C19orf47: variants seen among roughly 807,000 people sequenced by gnomAD.
C19orf47 encodes the protein uncharacterized protein C19orf47.
C19orf47 carries 18 observed loss-of-function variants against 32.3 expected under a neutral mutation model. That is an observed-to-expected ratio of 0.56 (90% CI 0.39 to 0.83). The LOEUF is 0.83. C19orf47 is among the 40% of genes least tolerant of loss of function. The probability of loss-of-function intolerance (pLI) is 0.00; values close to 1 mark genes in which losing one functional copy is unlikely to be tolerated. For missense variants in C19orf47, 484 were observed against 531.6 expected (o/e 0.91, Z 0.88); for synonymous variants, 202 against 211.1 (o/e 0.96, Z 0.37).
At chr19:40,310,437 C>T in the C19orf47 span, among the ~76,000 whole-genome samples, 1 of 152,200 alleles carries the variant, frequency 6.6e-6, no homozygotes, top group Non-Finnish European at 1.5e-5. Flanking sequence ...TGCCACCACA[C>T]CCCGCTAATT....
In C19orf47 at chr19:40,333,855, G is replaced by A. The variant is rs200421581; in HGVS notation, c.297C>T (p.Thr99=). The change falls in exon 5 of 9, where the codon ACC becomes ACT. Residue 99 remains threonine (T), a synonymous_variant. Transcript: ENST00000683109. ...GCCTGAATAGTTAGGACTCACCACT[G>A]GTGCCACGGCGAATTTCGCCTGCAA... ...SPLAGEIRRG[T]SAASRMITNS... 2.7e-5 allele frequency: 42 copies of A among 1,571,050 alleles called. No individual in the cohort carries two copies. In the African/African-American group the frequency reaches 5.3e-4, roughly 20 times the overall value.
chr19:40,338,208 A>C (rs1600207468), intron 2 of C19orf47, among the ~76,000 whole-genome samples: 1 of 150,256 alleles, frequency 6.7e-6, no homozygotes, highest in East Asian at 2.0e-4. Context: ...TCAAGTAGTT[A>C]AACTACAGGC....
chr19:40,317,728 GT>G (rs760108426), downstream of C19orf47, among the ~76,000 whole-genome samples: 9 of 143,056 alleles, frequency 6.3e-5, no homozygotes, highest in Admixed American at 1.4e-4. Flanking sequence ...TTTTTTTTTT[GT>G]TTTTTTTTTT....
chr19:40,348,452 T>A, upstream of C19orf47: 1 of 1,500,142 alleles, frequency 6.7e-7, no homozygotes, highest in Non-Finnish European at 8.8e-7. Context: ...GAAGCTGAAC[T>A]GACTCGTCCG....
At chr19:40,324,953 C>T (rs2077797630) in intron 7 of C19orf47, among the ~76,000 whole-genome samples, 1 of 150,182 alleles carries the variant, frequency 6.7e-6, no homozygotes, top group African/African-American at 2.5e-5. Flanking sequence ...GAGCAAGACT[C>T]TGTCTCAAAA....
At chr19:40,344,100 A>G (rs543196732) in intron 1 of C19orf47, among the ~76,000 whole-genome samples, 79 of 151,810 alleles carry the variant, frequency 5.2e-4, no homozygotes, top group Non-Finnish European at 8.4e-4. Context: ...TCAATCTCTT[A>G]TTGATGAGTA....
the C19orf47 span, among the ~76,000 whole-genome samples, chr19:40,298,039 C>CAA: frequency 1.1e-5 from 1 of 94,560 alleles, no homozygotes; most frequent in Admixed American, 1.1e-4. Context: ...CACTCTGTCT[C>CAA]AAAAAAAAAA....
chr19:40,325,689 C>T (rs1181979464), intron 7 of C19orf47, among the ~76,000 whole-genome samples: 1 of 152,162 alleles, frequency 6.6e-6, no homozygotes, highest in Non-Finnish European at 1.5e-5. Flanking sequence ...ATGTATGTAC[C>T]TAGATGCTGG....
rs906280450 is a variant in C19orf47 at position 40,336,487 on chromosome 19, C to T, written c.20-80G>A. The stretch of plus-strand genomic sequence containing the variant: ...TAGCAAAACCACAATCACAGCAGCT[C>T]CCACAAATTAAATGCTCATCATATG... On this transcript the variant is annotated intron_variant, in intron 2 of 8. Transcript: ENST00000683109. The T allele has an allele frequency of 1.0e-5, 13 of 1,281,218 alleles. No homozygotes were observed. In the African/African-American group the frequency reaches 1.8e-4, roughly 17 times the overall value. 79.4% of individuals were successfully genotyped at this position (1,281,218 alleles called of 1,614,324 possible).
At chr19:40,344,838 G>A (rs552676310) in intron 1 of C19orf47, among the ~76,000 whole-genome samples, 6 of 152,110 alleles carry the variant, frequency 3.9e-5, no homozygotes, top group South Asian at 2.1e-4. Flanking sequence ...CATCTCAGTC[G>A]CTCCTCACAA....
chr19:40,341,876 A>G lies in C19orf47; in HGVS notation c.-19T>C, dbSNP rs1277456138. 11 of 1,536,102 alleles carry G rather than the reference A, an allele frequency of 7.2e-6. No homozygotes were observed. The highest frequency in any genetic ancestry group is 9.6e-6 in the Non-Finnish European group (11 of 1,146,924). On this transcript the variant is annotated 5_prime_UTR_variant, in exon 2 of 9. Transcript: ENST00000683109. ...AGACCATCGTCTCCCTGGCCCTGAC[A>G]CTGCTCCCTGGAGCCTGAAAGAGAA...
Position 40,321,407 on chromosome 19 carries a change from G to A in C19orf47, c.*475C>T, listed in dbSNP as rs573691459. 1.1e-5 allele frequency: 11 copies of A among 994,174 alleles called. No homozygotes were observed. The highest frequency in any genetic ancestry group is 5.1e-4 in the Middle Eastern group (1 of 1,944). The allele number at this position is 994,174 out of a possible 1,614,324, so 61.6% of individuals were successfully genotyped here. A position where few individuals can be genotyped will look rare whatever the true frequency, so the allele number is the denominator to read the frequency against. On this transcript the variant is annotated 3_prime_UTR_variant, in exon 9 of 9. Coordinates refer to ENST00000683109, the MANE Select transcript of C19orf47 (RefSeq NM_001256441.2). ...TGAACAAAGTGAAGACAGGGAGAGA[G>A]AGAAGTCACAGCAGTGGGGGGAGGC...
At chr19:40,328,702 G>A (rs2077887611) in intron 5 of C19orf47, 152 bp from the exon 6 acceptor site, 1 of 1,058,284 alleles carries the variant, frequency 9.4e-7, no homozygotes, top group African/African-American at 1.6e-5. Context: ...ACTCGTGATG[G>A]GGATGCTTGG....
the C19orf47 span, among the ~76,000 whole-genome samples, chr19:40,295,349 A>G: frequency 6.6e-6 from 1 of 150,778 alleles, no homozygotes; most frequent in African/African-American, 2.4e-5. Context: ...TACCTATGGA[A>G]AGATCAAGAA....
chr19:40,315,545 C>T (rs2077656235), downstream of C19orf47, among the ~76,000 whole-genome samples: 1 of 152,080 alleles, frequency 6.6e-6, no homozygotes, highest in Non-Finnish European at 1.5e-5. Context: ...CTTTGGGAGG[C>T]CGAAGTGAGC....
chr19:40,311,710 C>T, the C19orf47 span, among the ~76,000 whole-genome samples: 1 of 152,020 alleles, frequency 6.6e-6, no homozygotes, highest in African/African-American at 2.4e-5. Context: ...GGCTAGAATG[C>T]AGTGGCACAA....
chr19:40,337,605 C>G (rs996548275), intron 2 of C19orf47, among the ~76,000 whole-genome samples: 4 of 152,102 alleles, frequency 2.6e-5, no homozygotes, highest in Non-Finnish European at 5.9e-5. Context: ...ATAATCCATG[C>G]TATTTTAGAT....
intron 2 of C19orf47, among the ~76,000 whole-genome samples, chr19:40,338,258 C>T (rs1174406866): frequency 2.3e-5 from 2 of 86,532 alleles, no homozygotes; most frequent in African/African-American, 7.0e-5. Context: ...TATATATATA[C>T]ATATATATAC....
At chr19:40,307,749 C>G in the C19orf47 span, among the ~76,000 whole-genome samples, 2 of 151,992 alleles carry the variant, frequency 1.3e-5, no homozygotes, top group African/African-American at 2.4e-5. Flanking sequence ...TCCCCAAAAC[C>G]ATTCCATGGG....
Sources: allele counts gnomAD v4.1 joint callset (sites outside exome capture counted in the v4.1 genomes callset), GRCh38; gene constraint gnomAD v4.1.1; transcripts MANE v1.5; gene names NCBI Gene and HGNC (gene_info 2026-07-23, HGNC 2026-07-21).